PARD3B: variants seen among roughly 807,000 people sequenced by gnomAD.
PARD3B encodes partitioning defective 3 homolog B.
PARD3B carries 103 observed loss-of-function variants against 130.2 expected under a neutral mutation model. That is an observed-to-expected ratio of 0.79 (90% CI 0.67 to 0.93). The LOEUF (loss-of-function observed/expected upper bound fraction) is 0.93. PARD3B is among the 40% of genes least tolerant of loss of function. The pLI is 0.00. For synonymous variants in PARD3B, 583 were observed against 553.2 expected (o/e 1.05, Z -0.76); for missense variants, 1,609 against 1,499.2 (o/e 1.07, Z -1.21).
rs575254204 is a variant in PARD3B, at chr2:205,258,208, A to G, written c.2185+12386A>G. ...TAAGCCCTGACATTTACCAGCAGGA[A>G]ATCAGGTTGATCCCACAAGAATACA... On this transcript the variant is annotated intron_variant, in intron 16 of 22. Coordinates refer to ENST00000406610, the MANE Select transcript of PARD3B (RefSeq NM_001302769.2). This position sits in a 1 kb window ranked among gnomAD's most constrained non-coding sequence, Gnocchi z 4.9. Among the ~76,000 whole-genome samples, 507 of 152,262 alleles carry G rather than the reference A, an allele frequency of 3.3e-3. 3 individuals are homozygous for G. The highest frequency in any genetic ancestry group is 5.6e-3 in the Admixed American group (85 of 15,280).
intron 1 of PARD3B, among the ~76,000 whole-genome samples, chr2:204,609,552 G>A (rs1001074579): frequency 1.3e-5 from 2 of 152,144 alleles, no homozygotes; most frequent in African/African-American, 2.4e-5. Context: ...AGTCGGGAGT[G>A]GGGGTTACAG....
At chr2:204,888,311 G>C (rs576003504) in intron 2 of PARD3B, among the ~76,000 whole-genome samples, 78 of 152,208 alleles carry the variant, frequency 5.1e-4, no homozygotes, top group Middle Eastern at 3.4e-3. Flanking sequence ...AGTAAGATAT[G>C]CAGTAGACCA....
At chr2:204,699,705 G>A (rs2037797136) in intron 2 of PARD3B, among the ~76,000 whole-genome samples, 1 of 151,876 alleles carries the variant, frequency 6.6e-6, no homozygotes, top group African/African-American at 2.4e-5. Context: ...ATAATGTTTG[G>A]GGAGGCTCCA....
At chr2:204,953,587 A>G (rs1010001734) in intron 2 of PARD3B, among the ~76,000 whole-genome samples, 1 of 152,134 alleles carries the variant, frequency 6.6e-6, no homozygotes, top group African/African-American at 2.4e-5. Context: ...GAGTTATATC[A>G]TCATATCTTG....
chr2:204,984,301 G>A (rs899008352), intron 3 of PARD3B, among the ~76,000 whole-genome samples: 1 of 152,074 alleles, frequency 6.6e-6, no homozygotes, highest in Non-Finnish European at 1.5e-5. Flanking sequence ...ATAGTCAGTT[G>A]AGACTAATCA....
At chr2:204,997,502 A>G (rs6760004) in intron 3 of PARD3B, among the ~76,000 whole-genome samples, 50,381 of 151,454 alleles carry the variant, frequency 0.33, 8,681 homozygotes, top group Admixed American at 0.42. Context: ...TTTTGATGCT[A>G]TTATAAAGAA....
chr2:205,287,913 T>C lies in PARD3B; in HGVS notation c.2186-12617T>C, dbSNP rs1051827994. Among the ~76,000 whole-genome samples, 2 of 152,148 alleles carry C rather than the reference T, an allele frequency of 1.3e-5. No individual in the cohort carries two copies. Among genetic ancestry groups the C allele is most frequent in the African/African-American group, 4.8e-5 (2 of 41,426 alleles). On this transcript the variant is annotated intron_variant, in intron 16 of 22. Coordinates refer to ENST00000406610, the MANE Select transcript of PARD3B (RefSeq NM_001302769.2). The surrounding 1 kb of genome is among the most constrained non-coding windows in gnomAD (Gnocchi z 4.8). ...GTTATTAATGGAAGTATCACCTTCTTGTAACCTTGTTTCCCGCTGGCAAAG... is the reference window on the plus strand; with the variant it reads ...GTTATTAATGGAAGTATCACCTTCTCGTAACCTTGTTTCCCGCTGGCAAAG...
chr2:204,840,532 C>G (rs2044220761), intron 2 of PARD3B, among the ~76,000 whole-genome samples: 1 of 144,590 alleles, frequency 6.9e-6, no homozygotes, highest in Admixed American at 6.8e-5. Context: ...ATGAATTTGT[C>G]CTTTTTTTTT....
chr2:204,780,682 A>T (rs1344758887), intron 2 of PARD3B, among the ~76,000 whole-genome samples: 1 of 152,136 alleles, frequency 6.6e-6, no homozygotes, highest in African/African-American at 2.4e-5. Context: ...CTTATAGTGC[A>T]TAGAAGCTAC....
intron 21 of PARD3B, among the ~76,000 whole-genome samples, chr2:205,508,394 C>T (rs2050456257): frequency 6.6e-6 from 1 of 151,926 alleles, no homozygotes. Flanking sequence ...GCAACATAGT[C>T]AAACCTTTCT....
At chr2:205,500,801 G>A (rs969944794) in intron 21 of PARD3B, among the ~76,000 whole-genome samples, 2 of 152,152 alleles carry the variant, frequency 1.3e-5, no homozygotes, top group Non-Finnish European at 2.9e-5. Context: ...TCTTGTTACT[G>A]GCATTATTAT....
chr2:204,739,656 G>A (rs780187993), intron 2 of PARD3B, among the ~76,000 whole-genome samples: 6 of 151,948 alleles, frequency 3.9e-5, no homozygotes, highest in Non-Finnish European at 7.4e-5. Context: ...TGGATATAAG[G>A]TCTTGGAATG....
intron 3 of PARD3B, among the ~76,000 whole-genome samples, chr2:204,997,502 A>T (rs6760004): frequency 6.6e-6 from 1 of 151,414 alleles, no homozygotes; most frequent in South Asian, 2.1e-4. Flanking sequence ...TTTTGATGCT[A>T]TTATAAAGAA....
At chr2:205,302,480 G>A (rs1303631265) in intron 18 of PARD3B, among the ~76,000 whole-genome samples, 1 of 152,184 alleles carries the variant, frequency 6.6e-6, no homozygotes, top group Non-Finnish European at 1.5e-5. Context: ...AGTGAGCTAT[G>A]ATTACACCAT....
intron 15 of PARD3B, among the ~76,000 whole-genome samples, chr2:205,225,159 T>C (rs2038474502): frequency 6.6e-6 from 1 of 152,300 alleles, no homozygotes; most frequent in South Asian, 2.1e-4. Flanking sequence ...GAGCTCTATA[T>C]TGAGTTTTTT....
At position 205,109,567 on chromosome 2, in the gene PARD3B, A is replaced by C. The variant is rs191894344; in HGVS notation, c.594-3924A>C. ...AGTTATTGAATGCTTTGTAAATACC[A>C]GATGTGGTATGTGTAACATATATGT... On this transcript the variant is annotated intron_variant, in intron 5 of 22. Transcript: ENST00000406610. Among the ~76,000 whole-genome samples the C allele has an allele frequency of 4.9e-3, 743 of 152,140 alleles. 2 individuals are homozygous for C. Among genetic ancestry groups the C allele is most frequent in the Non-Finnish European group, 6.6e-3 (448 of 67,992 alleles).
intron 2 of PARD3B, among the ~76,000 whole-genome samples, chr2:204,953,836 GT>G (rs1295091130): frequency 4.6e-5 from 7 of 152,224 alleles, no homozygotes; most frequent in Non-Finnish European, 5.9e-5. Context: ...ACAAGTCATA[GT>G]TTTATGTGCT....
chr2:205,238,939 T>TATATATATATATGTATGTGC (rs1303358617), intron 15 of PARD3B, among the ~76,000 whole-genome samples: 40 of 94,222 alleles, frequency 4.2e-4, no homozygotes, highest in African/African-American at 1.9e-3. Context: ...TGTATGTGCA[T>TATATATATATATGTATGTGC]ATATATATAT....
intron 10 of PARD3B, among the ~76,000 whole-genome samples, chr2:205,143,733 T>C (rs749316772): frequency 3.6e-4 from 55 of 152,150 alleles, no homozygotes; most frequent in Non-Finnish European, 5.0e-4. Context: ...GAACCTGGCA[T>C]GAACAGTGCA....
Sources: allele counts gnomAD v4.1 joint callset (sites outside exome capture counted in the v4.1 genomes callset), GRCh38; gene constraint gnomAD v4.1.1; non-coding constraint Gnocchi (gnomAD v3.1); transcripts MANE v1.5; gene names NCBI Gene and HGNC (gene_info 2026-07-23, HGNC 2026-07-21).